The following CLIP1 variants were observed in gnomAD, a reference collection of about 807,000 sequenced individuals.
CLIP1 encodes CAP-Gly domain-containing linker protein 1.
A neutral mutation model predicts 161.6 loss-of-function variants in CLIP1; 66 were observed. The observed-to-expected ratio is 0.41, with a 90% CI of 0.33 to 0.50. The LOEUF (loss-of-function observed/expected upper bound fraction) is 0.50, where lower values mean the gene tolerates loss of function less well. Among genes scored for constraint, CLIP1 ranks in the 20% least tolerant of loss-of-function variants. CLIP1 has a pLI of 0.27. For synonymous variants in CLIP1, 598 were observed against 626.2 expected (o/e 0.96, Z 0.67); for missense variants, 1,376 against 1,702.0 (o/e 0.81, Z 3.37).
intron 20 of CLIP1, 44 bp from the exon 21 acceptor site, chr12:122,288,585 A>C (rs1566079043): frequency 2.6e-6 from 4 of 1,550,254 alleles, no homozygotes; most frequent in Admixed American, 1.7e-5. Context: ...ACCAGGCCAC[A>C]GAAAGGCATA....
intron 20 of CLIP1, among the ~76,000 whole-genome samples, chr12:122,308,414 C>T (rs1243959446): frequency 6.6e-6 from 1 of 152,162 alleles, no homozygotes; most frequent in Non-Finnish European, 1.5e-5. Flanking sequence ...GGTGTTTTAG[C>T]TTGTGCCAGG....
At chr12:122,289,998 G>C (rs115535171) in intron 20 of CLIP1, among the ~76,000 whole-genome samples, 6 of 151,894 alleles carry the variant, frequency 4.0e-5, no homozygotes, top group Non-Finnish European at 7.4e-5. Context: ...TAGTAGACAG[G>C]GTTTCGCCAT....
rs138339413 is a variant in CLIP1, at chr12:122,409,715, A to G, written c.-107+12806T>C. Among the ~76,000 whole-genome samples, 435 of 150,508 alleles carry G rather than the reference A, an allele frequency of 2.9e-3. 2 individuals are homozygous for G. Among genetic ancestry groups the G allele is most frequent in the African/African-American group, 0.01 (418 of 40,940 alleles). ...CCCAGCTAGTTTTTGTATTTTTAGT[A>G]GAGACAGGCTTTCACCATGTTGGCC... On this transcript the variant is annotated intron_variant, in intron 1 of 25. Transcript: ENST00000620786.
intron 20 of CLIP1, among the ~76,000 whole-genome samples, chr12:122,301,642 C>G (rs1950682978): frequency 6.6e-6 from 1 of 152,210 alleles, no homozygotes; most frequent in Non-Finnish European, 1.5e-5. Flanking sequence ...GCACTGCACT[C>G]CAGCCTGGGC....
intron 15 of CLIP1, among the ~76,000 whole-genome samples, chr12:122,328,638 G>T (rs12310896): frequency 0.017 from 2,554 of 152,256 alleles, 61 homozygotes; most frequent in African/African-American, 0.055. Flanking sequence ...AGGCTGGAGT[G>T]CAGTGGCATG....
intron 5 of CLIP1, among the ~76,000 whole-genome samples, chr12:122,356,322 A>G (rs1414527923): frequency 3.3e-5 from 5 of 152,204 alleles, no homozygotes; most frequent in Non-Finnish European, 7.3e-5. Flanking sequence ...AGAGAAACAC[A>G]GCGACATCTG....
chr12:122,350,792 T>C (rs1353699347), intron 9 of CLIP1, among the ~76,000 whole-genome samples: 1 of 151,350 alleles, frequency 6.6e-6, no homozygotes, highest in Non-Finnish European at 1.5e-5. Context: ...TCCACTAAAA[T>C]TAGAAGACAT....
Position 122,369,946 on chromosome 12 carries a change from T to C in CLIP1, c.658-5839A>G, listed in dbSNP as rs561077870. ...GGGAGGCCAAGGCAGACAGATCATTTGAGGACAGGAATTCGAGACCAGCCT... is the reference window on the plus strand; with the variant it reads ...GGGAGGCCAAGGCAGACAGATCATTCGAGGACAGGAATTCGAGACCAGCCT... On this transcript the variant is annotated intron_variant, in intron 3 of 25. Coordinates refer to ENST00000620786, the MANE Select transcript of CLIP1 (RefSeq NM_001247997.2). Among the ~76,000 whole-genome samples the C allele has an allele frequency of 3.3e-3, 498 of 151,910 alleles. 2 individuals carry two copies. Among genetic ancestry groups the C allele is most frequent in the Non-Finnish European group, 5.9e-3 (402 of 67,994 alleles).
intron 6 of CLIP1, 40 bp from the exon 7 acceptor site, chr12:122,354,596 A>G (rs747502439): frequency 3.7e-5 from 56 of 1,509,014 alleles, no homozygotes; most frequent in Middle Eastern, 3.4e-4. Context: ...ACTATTTCTG[A>G]CCCAGATACA....
At chr12:122,273,618 CTATT>C (rs796126019) in intron 25 of CLIP1, among the ~76,000 whole-genome samples, 4 of 151,854 alleles carry the variant, frequency 2.6e-5, no homozygotes, top group African/African-American at 7.2e-5. Context: ...TTATGGAAAT[CTATT>C]TATGGCAAAG....
At chr12:122,389,174 T>A (rs1955469441) in intron 1 of CLIP1, among the ~76,000 whole-genome samples, 1 of 152,198 alleles carries the variant, frequency 6.6e-6, no homozygotes. Context: ...CCACTACCCA[T>A]GGCAAGTCTG....
chr12:122,329,985 C>T (rs1023190900), intron 15 of CLIP1, among the ~76,000 whole-genome samples: 3 of 151,906 alleles, frequency 2.0e-5, no homozygotes, highest in Admixed American at 6.6e-5. Context: ...GGCGTGGTGG[C>T]GCATGCCTGT....
intron 8 of CLIP1, 42 bp from the exon 9 acceptor site, chr12:122,351,185 A>G (rs903520812): frequency 9.6e-6 from 12 of 1,247,220 alleles, no homozygotes; most frequent in Non-Finnish European, 1.3e-5. Flanking sequence ...ACAACAAAAA[A>G]GAGATTCCAA....
At chr12:122,324,769 T>C (rs1951643331) in intron 17 of CLIP1, among the ~76,000 whole-genome samples, 2 of 151,960 alleles carry the variant, frequency 1.3e-5, no homozygotes, top group African/African-American at 2.4e-5. Flanking sequence ...AAAATACAAT[T>C]AAAAGAAGTA....
intron 5 of CLIP1, among the ~76,000 whole-genome samples, chr12:122,357,343 G>C (rs1315621144): frequency 1.3e-5 from 2 of 151,566 alleles, no homozygotes; most frequent in African/African-American, 4.8e-5. Context: ...TCTGAGAAGA[G>C]AGGAGACCCT....
At chr12:122,359,669 A>T (rs556053616) in intron 5 of CLIP1, among the ~76,000 whole-genome samples, 4 of 152,204 alleles carry the variant, frequency 2.6e-5, no homozygotes, top group African/African-American at 9.7e-5. Flanking sequence ...ATTCTACCTG[A>T]ACATAGAGGA....
At chr12:122,293,135 T>C (rs1283918406) in intron 20 of CLIP1, among the ~76,000 whole-genome samples, 1 of 151,752 alleles carries the variant, frequency 6.6e-6, no homozygotes. Context: ...TGCAATAATA[T>C]GTAGACACAA....
At chr12:122,278,722 A>G in intron 23 of CLIP1, 70 bp downstream of exon 23, 9 of 1,466,848 alleles carry the variant, frequency 6.1e-6, no homozygotes, top group Non-Finnish European at 8.2e-6. Context: ...TTCGAAGAGC[A>G]TCTCTACTAG....
chr12:122,325,054 A>AT (rs11330696), intron 17 of CLIP1, among the ~76,000 whole-genome samples: 1,495 of 123,620 alleles, frequency 0.012, 28 homozygotes, highest in East Asian at 0.062. Flanking sequence ...CAATGATATA[A>AT]TTTTTTTTTT....
Sources: allele counts gnomAD v4.1 joint callset (sites outside exome capture counted in the v4.1 genomes callset), GRCh38; gene constraint gnomAD v4.1.1; transcripts MANE v1.5; gene names NCBI Gene and HGNC (gene_info 2026-07-23, HGNC 2026-07-21).